Variants in ZFHX4 observed in about 807,000 individuals in gnomAD.
The protein encoded by ZFHX4 is zinc finger homeobox protein 4.
ZFHX4 carries 56 observed loss-of-function variants against 267.6 expected under a neutral mutation model. That is an observed-to-expected ratio of 0.21 (90% CI 0.17 to 0.26). The LOEUF is 0.26. ZFHX4 is among the 10% of genes least tolerant of loss of function. The pLI is 1.00. For missense variants in ZFHX4, 4,332 were observed against 4,420.0 expected, an observed-to-expected ratio of 0.98 and a Z score of 0.56; for synonymous variants, 1,778 against 1,665.6, an observed-to-expected ratio of 1.07 and a Z score of -1.64.
At chr8:76,817,793 C>A (rs184294145) in intron 4 of ZFHX4, among the ~76,000 whole-genome samples, 2 of 152,224 alleles carry the variant, frequency 1.3e-5, no homozygotes, top group East Asian at 3.9e-4. Flanking sequence ...AGCAAGAATA[C>A]CAGATACTTG....
chr8:76,702,440 C>T lies in ZFHX4; in HGVS notation c.-46-1603C>T, dbSNP rs138830071. Among the ~76,000 whole-genome samples, 31 of 152,258 alleles carry T rather than the reference C, an allele frequency of 2.0e-4. No individual in the cohort carries two copies. In the East Asian group the frequency reaches 4.4e-3, roughly 22 times the overall value. ...TATTAATAAGCTATTCTTTATACTT[C>T]ATATGCCAGTGACCTTCACTGATGT... On this transcript the variant is annotated intron_variant, in intron 1 of 10. Transcript: ENST00000651372.
chr8:76,732,663 T>C (rs1809052531), intron 3 of ZFHX4, among the ~76,000 whole-genome samples: 1 of 152,142 alleles, frequency 6.6e-6, no homozygotes, highest in Non-Finnish European at 1.5e-5. Context: ...AAGGCAAATA[T>C]GGAAAACAAT....
intron 3 of ZFHX4, among the ~76,000 whole-genome samples, chr8:76,719,162 G>A (rs1047301212): frequency 6.8e-6 from 1 of 146,110 alleles, no homozygotes; most frequent in Non-Finnish European, 1.5e-5. Flanking sequence ...GTGTGTGTGT[G>A]TGTGTGTGTG....
At chr8:76,780,228 A>G (rs1296332929) in intron 4 of ZFHX4, among the ~76,000 whole-genome samples, 2 of 152,096 alleles carry the variant, frequency 1.3e-5, no homozygotes, top group Non-Finnish European at 2.9e-5. Context: ...TTTGTTTTCT[A>G]TGTCTTACAA....
intron 5 of ZFHX4, among the ~76,000 whole-genome samples, chr8:76,838,891 C>A (rs1812159214): frequency 6.6e-6 from 1 of 151,982 alleles, no homozygotes; most frequent in Non-Finnish European, 1.5e-5. Flanking sequence ...CTCGTCTCTA[C>A]TAAAAATATA....
At chr8:76,742,713 C>G (rs1274208561) in intron 3 of ZFHX4, among the ~76,000 whole-genome samples, 1 of 152,130 alleles carries the variant, frequency 6.6e-6, no homozygotes, top group Admixed American at 6.6e-5. Flanking sequence ...AAATCATTGA[C>G]TGAGTACCAC....
intron 3 of ZFHX4, among the ~76,000 whole-genome samples, chr8:76,775,677 G>A (rs903982952): frequency 2.0e-5 from 3 of 152,084 alleles, no homozygotes; most frequent in Non-Finnish European, 4.4e-5. Context: ...CAGGCTTCCT[G>A]GCACTTCCTC....
intron 3 of ZFHX4, among the ~76,000 whole-genome samples, chr8:76,753,183 T>C (rs1809668498): frequency 6.6e-6 from 1 of 152,180 alleles, no homozygotes; most frequent in South Asian, 2.1e-4. Context: ...AGAATTAAAT[T>C]GAACCATCAG....
Position 76,866,690 on chromosome 8 carries a change from G to T in ZFHX4, c.*2125G>T, listed in dbSNP as rs1813041396. ...CAGTTAACACGATGTGCAACAGTGT[G>T]TTAGCATGGAACAGAACGCTTTTCA... is the stretch of plus-strand genomic sequence containing the variant. On this transcript the variant is annotated 3_prime_UTR_variant, in exon 11 of 11. Transcript: ENST00000651372. The T allele has an allele frequency of 6.6e-6, 1 of 152,054 alleles. No individual in the cohort carries two copies. The highest frequency in any genetic ancestry group is 6.6e-5 in the Admixed American group (1 of 15,200). The allele number at this position is 152,054 out of a possible 1,614,324, so 9.4% of individuals were successfully genotyped here.
At chr8:76,839,498 A>G (rs1812180437) in intron 5 of ZFHX4, among the ~76,000 whole-genome samples, 1 of 152,226 alleles carries the variant, frequency 6.6e-6, no homozygotes, top group African/African-American at 2.4e-5. Flanking sequence ...TAAACATATC[A>G]TAAAGATTAA....
At chr8:76,740,571 G>A (rs1260825172) in intron 3 of ZFHX4, among the ~76,000 whole-genome samples, 2 of 152,052 alleles carry the variant, frequency 1.3e-5, no homozygotes, top group Non-Finnish European at 2.9e-5. Context: ...AGAGACATAA[G>A]GTAAACAGAG....
At chr8:76,769,849 G>C (rs1012284565) in intron 3 of ZFHX4, among the ~76,000 whole-genome samples, 2 of 152,008 alleles carry the variant, frequency 1.3e-5, no homozygotes, top group Admixed American at 6.6e-5. Context: ...ATTTTTTCCT[G>C]CCATATTATT....
At chr8:76,789,015 C>G (rs535142628) in intron 4 of ZFHX4, among the ~76,000 whole-genome samples, 1 of 152,286 alleles carries the variant, frequency 6.6e-6, no homozygotes, top group East Asian at 1.9e-4. Context: ...AAGTTTGCAA[C>G]TAAAGTATTT....
chr8:76,728,013 A>G (rs1808899143), intron 3 of ZFHX4, among the ~76,000 whole-genome samples: 1 of 152,192 alleles, frequency 6.6e-6, no homozygotes, highest in Admixed American at 6.5e-5. Context: ...GGAATACTCT[A>G]TCAGTAAAAG....
intron 3 of ZFHX4, among the ~76,000 whole-genome samples, chr8:76,740,098 G>A (rs1383200174): frequency 1.3e-5 from 2 of 152,086 alleles, no homozygotes; most frequent in African/African-American, 4.8e-5. Flanking sequence ...TTGAATGCTA[G>A]GTAAAATAAT....
chr8:76,701,727 T>C (rs967174928), intron 1 of ZFHX4, among the ~76,000 whole-genome samples: 1 of 152,160 alleles, frequency 6.6e-6, no homozygotes, highest in Non-Finnish European at 1.5e-5. Flanking sequence ...TCAAATAGCA[T>C]ACATAGCTTA....
chr8:76,715,343 A>G (rs1023092972), intron 3 of ZFHX4, among the ~76,000 whole-genome samples: 2 of 151,784 alleles, frequency 1.3e-5, no homozygotes, highest in African/African-American at 4.8e-5. Context: ...TTAGCCAGCA[A>G]TGGTGGTGCG....
Position 76,704,940 on chromosome 8 carries a change from G to A in ZFHX4, c.852G>A (p.Lys284=), listed in dbSNP as rs1328128035. 2 of 1,613,930 alleles carry A rather than the reference G, an allele frequency of 1.2e-6. No individual in the cohort carries two copies. Among genetic ancestry groups the A allele is most frequent in the African/African-American group, 1.3e-5 (1 of 74,942 alleles). ...RKPVLMCFLC[K]LSFGYIRSFV... ...CTGTTTTAATGTGTTTCTTGTGCAA[G>A]TTGTCTTTTGGTTATATCAGGTCAT... Residue 284 remains lysine, a synonymous_variant, in exon 2 of 11, where the codon AAG becomes AAA. Coordinates refer to ENST00000651372, the MANE Select transcript of ZFHX4 (RefSeq NM_024721.5).
intron 3 of ZFHX4, among the ~76,000 whole-genome samples, chr8:76,767,518 C>A (rs1563510519): frequency 1.3e-5 from 2 of 151,998 alleles, no homozygotes; most frequent in Non-Finnish European, 2.9e-5. Flanking sequence ...ATCTTAGAGA[C>A]CTACCACACA....
Sources: gnomAD v4.1 joint callset for allele counts (sites outside exome capture counted in the v4.1 genomes callset) on GRCh38, gnomAD v4.1.1 for gene constraint, MANE v1.5 for transcripts, NCBI Gene and HGNC (gene_info 2026-07-23, HGNC 2026-07-21) for gene names.